The following SYCP1 variants were observed in gnomAD, a reference collection of about 807,000 sequenced individuals.
SYCP1 encodes the protein synaptonemal complex protein 1.
A neutral mutation model predicts 153.1 loss-of-function variants in SYCP1; 64 were observed. That is an observed-to-expected ratio of 0.42 (90% CI 0.34 to 0.51). SYCP1 has a LOEUF of 0.51. Among genes scored for constraint, SYCP1 ranks in the 20% least tolerant of loss-of-function variants. The pLI is 0.06. For missense variants in SYCP1, 997 were observed against 1,049.0 expected (o/e 0.95, Z 0.68); for synonymous variants, 384 against 341.8 (o/e 1.12, Z -1.36).
At chr1:114,994,293 A>G (rs1674123252) in intron 30 of SYCP1, among the ~76,000 whole-genome samples, 1 of 151,418 alleles carries the variant, frequency 6.6e-6, no homozygotes, top group African/African-American at 2.4e-5. Flanking sequence ...AGAATTATAA[A>G]TACTTGTTAT....
At chr1:114,856,771 TA>T in intron 3 of SYCP1, 114 bp downstream of exon 3, 3 of 757,074 alleles carry the variant, frequency 4.0e-6, no homozygotes, top group Non-Finnish European at 6.2e-6. Context: ...ACACAAAAGC[TA>T]GATATAATAC....
intron 30 of SYCP1, among the ~76,000 whole-genome samples, chr1:114,989,210 C>T (rs898294724): frequency 1.3e-5 from 2 of 151,654 alleles, no homozygotes; most frequent in Non-Finnish European, 2.9e-5. Context: ...AAAAACAAAA[C>T]AGGGAAGATG....
At chr1:114,922,222 C>A (rs1235555324) in intron 20 of SYCP1, among the ~76,000 whole-genome samples, 1 of 151,976 alleles carries the variant, frequency 6.6e-6, no homozygotes, top group Non-Finnish European at 1.5e-5. Context: ...AACTTTCTAC[C>A]CTTATCTCTG....
chr1:114,953,797 T>C (rs1671259541), intron 27 of SYCP1, among the ~76,000 whole-genome samples: 1 of 152,212 alleles, frequency 6.6e-6, no homozygotes, highest in African/African-American at 2.4e-5. Context: ...CCATATATTT[T>C]AGAATAAATT....
chr1:114,859,752 GA>G lies in SYCP1; in HGVS notation c.471del (p.Val158Ter). The G allele has an allele frequency of 1.1e-6, 1 of 931,590 alleles. No individual in the cohort carries two copies. Among genetic ancestry groups the G allele is most frequent in the Non-Finnish European group, 1.4e-6 (1 of 692,768 alleles). 57.7% of individuals were successfully genotyped at this position (931,590 alleles called of 1,614,324 possible). A position where few individuals can be genotyped will look rare whatever the true frequency, so the allele number is the denominator to read the frequency against. ...CTGTTTTATAAATTAGTTTGGAAAT[GA>G]AAAAGTAAGTTTGAAATTAGAAGAA... ...KAIQELQFGN[E>X]KVSLKLEEGI... On this transcript the variant is annotated frameshift_variant, in exon 7 of 32. Transcript: ENST00000369522. LOFTEE classifies it high-confidence loss of function.
In SYCP1 at chr1:114,860,023, T is replaced by C. The variant is rs1021058669; in HGVS notation, c.524+213T>C. Among the ~76,000 whole-genome samples the C allele has an allele frequency of 4.6e-5, 7 of 152,200 alleles. 1 individual carries two copies. Among genetic ancestry groups the C allele is most frequent in the Non-Finnish European group, 1.0e-4 (7 of 68,026 alleles). ...TGACTAATAACTTCACTTTTTAAAA[T>C]GTCAGGCATCAGGAATAAACATTCC... On this transcript the variant is annotated intron_variant, in intron 7 of 31. Transcript: ENST00000369522.
At chr1:114,972,162 AG>A (rs1672529671) in intron 27 of SYCP1, among the ~76,000 whole-genome samples, 1 of 152,114 alleles carries the variant, frequency 6.6e-6, no homozygotes, top group African/African-American at 2.4e-5. Flanking sequence ...GTATGTGGCT[AG>A]GAATTTATTT....
intron 30 of SYCP1, among the ~76,000 whole-genome samples, chr1:114,991,489 G>A (rs911522477): frequency 6.6e-6 from 1 of 151,894 alleles, no homozygotes; most frequent in Admixed American, 6.6e-5. Context: ...GGAATGCCAG[G>A]GAGGTTCAAC....
At chr1:114,860,118 T>C (rs964991485) in intron 7 of SYCP1, among the ~76,000 whole-genome samples, 7 of 152,200 alleles carry the variant, frequency 4.6e-5, no homozygotes, top group Non-Finnish European at 1.0e-4. Flanking sequence ...GTTTCACTGC[T>C]GTCTTGAGTA....
chr1:114,855,682 T>A, intron 2 of SYCP1, 110 bp downstream of exon 2: 6 of 844,744 alleles, frequency 7.1e-6, no homozygotes, highest in Non-Finnish European at 9.0e-6. Context: ...CAATAAATGG[T>A]CTCATTTACC....
At chr1:114,899,484 T>G (rs1667275521) in intron 16 of SYCP1, among the ~76,000 whole-genome samples, 1 of 152,194 alleles carries the variant, frequency 6.6e-6, no homozygotes, top group Admixed American at 6.5e-5. Context: ...GTCATAATCT[T>G]CAAAGTTATC....
chr1:114,917,418 A>G (rs966988019), intron 20 of SYCP1, among the ~76,000 whole-genome samples: 1 of 152,162 alleles, frequency 6.6e-6, no homozygotes, highest in Non-Finnish European at 1.5e-5. Flanking sequence ...TAGCTTCCAA[A>G]TATTGGCCAT....
chr1:114,879,347 C>T (rs1665755526), intron 12 of SYCP1, among the ~76,000 whole-genome samples: 1 of 152,148 alleles, frequency 6.6e-6, no homozygotes, highest in Non-Finnish European at 1.5e-5. Flanking sequence ...TCTATACCTG[C>T]TAATTTCATC....
intron 16 of SYCP1, among the ~76,000 whole-genome samples, chr1:114,907,400 A>C (rs1390904017): frequency 1.3e-5 from 2 of 151,698 alleles, no homozygotes; most frequent in Non-Finnish European, 2.9e-5. Flanking sequence ...TCCTCTTTTA[A>C]ACTCTCTGCC....
intron 27 of SYCP1, among the ~76,000 whole-genome samples, chr1:114,964,302 A>T (rs1671966845): frequency 6.6e-6 from 1 of 151,876 alleles, no homozygotes; most frequent in South Asian, 2.1e-4. Flanking sequence ...GATTGCAAAA[A>T]TTTTCTCCCA....
chr1:114,885,641 A>G lies in SYCP1; in HGVS notation c.1005+12A>G. On this transcript the variant is annotated intron_variant, in intron 13 of 31. Coordinates refer to ENST00000369522, the MANE Select transcript of SYCP1 (RefSeq NM_003176.4). ...TACAAAGAAGTGTGGTATGATTTAA[A>G]AACTCATTAGTGTGTAATAAGTCTC... 6.8e-7 allele frequency: 1 copy of G among 1,471,838 alleles called. No homozygotes were observed. Among genetic ancestry groups the G allele is most frequent in the Non-Finnish European group, 9.3e-7 (1 of 1,073,884 alleles). 91.2% of individuals were successfully genotyped at this position (1,471,838 alleles called of 1,614,324 possible).
At chr1:114,975,224 A>T (rs1672732848) in intron 27 of SYCP1, among the ~76,000 whole-genome samples, 1 of 151,592 alleles carries the variant, frequency 6.6e-6, no homozygotes, top group Non-Finnish European at 1.5e-5. Context: ...GGAGTTGTTT[A>T]TGATTCTGGA....
At chr1:114,869,311 T>C (rs1198757489) in intron 8 of SYCP1, among the ~76,000 whole-genome samples, 1 of 152,220 alleles carries the variant, frequency 6.6e-6, no homozygotes, top group African/African-American at 2.4e-5. Flanking sequence ...AGAAGTGTCT[T>C]GGTTATTCTC....
rs140213014 is a variant in SYCP1 at position 114,974,049 on chromosome 1, A to G, written c.2323-3508A>G. On this transcript the variant is annotated intron_variant, in intron 27 of 31. Transcript: ENST00000369522. ...AAAGTCAGCTTTATCTGGTATTCATATTGTGACCCTCACTTTCTTCTTGTA... is the reference window on the plus strand; with the variant it reads ...AAAGTCAGCTTTATCTGGTATTCATGTTGTGACCCTCACTTTCTTCTTGTA... Among the ~76,000 whole-genome samples, 37 of 151,808 alleles carry G rather than the reference A, an allele frequency of 2.4e-4. No homozygotes were observed. The East Asian group carries it at 3.1e-3, about 13-fold the overall frequency.
Sources: allele counts gnomAD v4.1 joint callset (sites outside exome capture counted in the v4.1 genomes callset), GRCh38; gene constraint gnomAD v4.1.1; transcripts MANE v1.5; gene names NCBI Gene and HGNC (gene_info 2026-07-23, HGNC 2026-07-21).